Variants in KPNA1 observed in about 807,000 individuals in gnomAD.
KPNA1 encodes the protein importin subunit alpha-5.
A neutral mutation model predicts 70.5 loss-of-function variants in KPNA1; 10 were observed. The observed-to-expected ratio is 0.14, with a 90% CI of 0.09 to 0.24. The LOEUF is 0.24. KPNA1 is among the 10% of genes least tolerant of loss of function. KPNA1 has a pLI of 1.00. For synonymous variants in KPNA1, 192 were observed against 221.9 expected (o/e 0.87, Z 1.20); for missense variants, 397 against 637.9 (o/e 0.62, Z 4.07).
At chr3:122,431,112 A>G (rs1192626098) in intron 12 of KPNA1, among the ~76,000 whole-genome samples, 2 of 152,190 alleles carry the variant, frequency 1.3e-5, no homozygotes, top group African/African-American at 2.4e-5. Flanking sequence ...TTATATATGT[A>G]TTAACATTTG....
intron 9 of KPNA1, chr3:122,442,862 T>C (rs112554448): frequency 0.22 from 34,129 of 152,270 alleles, 4,249 homozygotes; most frequent in Non-Finnish European, 0.27. Context: ...GGAACAGCTC[T>C]GGTCTGCAGC....
At chr3:122,496,400 A>G (rs369763077) in intron 2 of KPNA1, 37 bp downstream of exon 2, 1 of 1,600,252 alleles carries the variant, frequency 6.2e-7, no homozygotes, top group Admixed American at 1.7e-5. Context: ...GGAACATTAA[A>G]TTCTTTAAAA....
chr3:122,509,386 G>A (rs1270210253), intron 1 of KPNA1, among the ~76,000 whole-genome samples: 1 of 152,070 alleles, frequency 6.6e-6, no homozygotes, highest in Non-Finnish European at 1.5e-5. Context: ...ATATATCCTA[G>A]AGAACTTCTA....
chr3:122,502,649 A>G (rs2076841933), intron 1 of KPNA1, among the ~76,000 whole-genome samples: 1 of 152,224 alleles, frequency 6.6e-6, no homozygotes, highest in Non-Finnish European at 1.5e-5. Flanking sequence ...ACTTTATCAG[A>G]CTAAAAGGTG....
chr3:122,494,316 T>C (rs1472273181), intron 2 of KPNA1, among the ~76,000 whole-genome samples: 1 of 152,228 alleles, frequency 6.6e-6, no homozygotes, highest in Non-Finnish European at 1.5e-5. Flanking sequence ...AATTTTTGTA[T>C]ATGGTAGGGG....
At chr3:122,493,029 T>C (rs116240772) in intron 2 of KPNA1, among the ~76,000 whole-genome samples, 2,069 of 152,304 alleles carry the variant, frequency 0.014, 46 homozygotes, top group African/African-American at 0.046. Flanking sequence ...ACCTCAGAGT[T>C]TGGTTGAGAT....
intron 1 of KPNA1, among the ~76,000 whole-genome samples, chr3:122,512,442 C>G (rs1022543186): frequency 6.6e-6 from 1 of 152,212 alleles, no homozygotes; most frequent in Non-Finnish European, 1.5e-5. Context: ...CATAATGCGG[C>G]TGGGCGCGGT....
At chr3:122,456,837 G>A (rs898125424) in intron 5 of KPNA1, among the ~76,000 whole-genome samples, 1 of 152,130 alleles carries the variant, frequency 6.6e-6, no homozygotes, top group African/African-American at 2.4e-5. Context: ...GAAGTAGATG[G>A]GTAACTGTAA....
chr3:122,456,110 C>T (rs771501657), intron 5 of KPNA1, among the ~76,000 whole-genome samples: 1 of 152,116 alleles, frequency 6.6e-6, no homozygotes, highest in Non-Finnish European at 1.5e-5. Flanking sequence ...ATTTCATTTG[C>T]TTGTAGTTTG....
chr3:122,448,945 T>C (rs779766003), intron 9 of KPNA1, among the ~76,000 whole-genome samples: 4 of 152,240 alleles, frequency 2.6e-5, no homozygotes, highest in Non-Finnish European at 5.9e-5. Context: ...TTCTATTTTG[T>C]ATTAATACAT....
At chr3:122,449,023 T>G (rs1371240154) in intron 9 of KPNA1, among the ~76,000 whole-genome samples, 1 of 152,256 alleles carries the variant, frequency 6.6e-6, no homozygotes, top group Non-Finnish European at 1.5e-5. Context: ...CTTTGTACTT[T>G]AAATCTCCCA....
At chr3:122,464,698 G>A (rs903841866) in intron 3 of KPNA1, among the ~76,000 whole-genome samples, 27 of 152,032 alleles carry the variant, frequency 1.8e-4, no homozygotes, top group African/African-American at 6.3e-4. Flanking sequence ...CTACCTTCTT[G>A]CTTTATTAGA....
chr3:122,477,236 A>G (rs1459757014), intron 2 of KPNA1, among the ~76,000 whole-genome samples: 1 of 152,214 alleles, frequency 6.6e-6, no homozygotes, highest in Non-Finnish European at 1.5e-5. Flanking sequence ...TCACAGAAGT[A>G]GAGAGTATAA....
chr3:122,452,331 G>A (rs1396584756), intron 6 of KPNA1, among the ~76,000 whole-genome samples: 23 of 151,710 alleles, frequency 1.5e-4, no homozygotes, highest in Non-Finnish European at 2.9e-5. Flanking sequence ...GCAACACAGT[G>A]AAACTCCATC....
chr3:122,496,150 C>T (rs2076758036), intron 2 of KPNA1, among the ~76,000 whole-genome samples: 1 of 152,054 alleles, frequency 6.6e-6, no homozygotes, highest in East Asian at 1.9e-4. Flanking sequence ...GAAAGTTGCA[C>T]CCTTAGAAAA....
chr3:122,475,036 G>A (rs1021727452), intron 2 of KPNA1, among the ~76,000 whole-genome samples: 4 of 152,116 alleles, frequency 2.6e-5, no homozygotes, highest in African/African-American at 9.7e-5. Flanking sequence ...GAAATAAAAG[G>A]CATCTAAATT....
chr3:122,478,160 C>CAA (rs566764177), intron 2 of KPNA1, among the ~76,000 whole-genome samples: 119 of 75,488 alleles, frequency 1.6e-3, no homozygotes, highest in South Asian at 3.2e-3. Flanking sequence ...GATGCTGTCT[C>CAA]AAAAAAAAAA....
chr3:122,489,159 A>G (rs2076667189), intron 2 of KPNA1, among the ~76,000 whole-genome samples: 1 of 151,482 alleles, frequency 6.6e-6, no homozygotes, highest in Non-Finnish European at 1.5e-5. Flanking sequence ...CCCAGAGTTC[A>G]CTAATCTTTT....
At chr3:122,427,788 C>A in intron 12 of KPNA1, 72 bp from the exon 13 acceptor site, 3 of 977,392 alleles carry the variant, frequency 3.1e-6, no homozygotes, top group Non-Finnish European at 4.4e-6. Context: ...GTGAGCAAGT[C>A]ATCCTCAACT....
Sources: gnomAD v4.1 joint callset for allele counts (sites outside exome capture counted in the v4.1 genomes callset) on GRCh38, gnomAD v4.1.1 for gene constraint, MANE v1.5 for transcripts, NCBI Gene and HGNC (gene_info 2026-07-23, HGNC 2026-07-21) for gene names.